HS3ST4: variants seen among roughly 807,000 people sequenced by gnomAD.
The protein encoded by HS3ST4 is heparan sulfate glucosamine 3-O-sulfotransferase 4.
In HS3ST4, 17 loss-of-function variants were observed where a neutral mutation model predicts 29.2. The ratio of observed to expected loss-of-function variants is 0.58; its 90% CI spans 0.40 to 0.87. The LOEUF (loss-of-function observed/expected upper bound fraction) is 0.87. HS3ST4 is among the 40% of genes least tolerant of loss of function. The probability of loss-of-function intolerance (pLI) is 0.00; values close to 1 mark genes in which losing one functional copy is unlikely to be tolerated. For missense variants in HS3ST4, 627 were observed against 634.5 expected (o/e 0.99, Z 0.13); for synonymous variants, 314 against 285.7 (o/e 1.10, Z -1.00).
intron 1 of HS3ST4, among the ~76,000 whole-genome samples, chr16:25,850,481 C>T (rs1468502765): frequency 6.6e-6 from 1 of 152,194 alleles, no homozygotes; most frequent in African/African-American, 2.4e-5. Flanking sequence ...TTCTTCCCCT[C>T]TATGTCTAAG....
chr16:26,100,341 A>G (rs969583581), intron 1 of HS3ST4, among the ~76,000 whole-genome samples: 1 of 152,182 alleles, frequency 6.6e-6, no homozygotes. Flanking sequence ...TACGAAGAAA[A>G]AGAAAGAAAA....
At chr16:26,127,862 A>G (rs2141814325) in intron 1 of HS3ST4, among the ~76,000 whole-genome samples, 1 of 152,254 alleles carries the variant, frequency 6.6e-6, no homozygotes, top group South Asian at 2.1e-4. Flanking sequence ...AAAACAACAA[A>G]TATTGCTTGA....
At chr16:25,724,163 A>C (rs191524146) in intron 1 of HS3ST4, among the ~76,000 whole-genome samples, 459 of 151,982 alleles carry the variant, frequency 3.0e-3, no homozygotes, top group Non-Finnish European at 3.7e-3. Context: ...TGTTTCCCCC[A>C]AAAAATATAA....
At chr16:25,956,674 TG>T (rs1372639124) in intron 1 of HS3ST4, among the ~76,000 whole-genome samples, 1 of 152,050 alleles carries the variant, frequency 6.6e-6, no homozygotes. Flanking sequence ...AATTCTCAGC[TG>T]GGGAAAAAGA....
intron 1 of HS3ST4, among the ~76,000 whole-genome samples, chr16:25,695,296 AG>A (rs1567221776): frequency 6.6e-6 from 1 of 152,168 alleles, no homozygotes; most frequent in Non-Finnish European, 1.5e-5. Context: ...CATCTAGTCC[AG>A]GGGTGCTGAT....
intron 1 of HS3ST4, chr16:26,025,415 C>T (rs759620855): frequency 6.5e-6 from 1 of 154,372 alleles, no homozygotes; most frequent in African/African-American, 2.4e-5. Flanking sequence ...TCAGAACACT[C>T]GTGCTCTTCT....
intron 1 of HS3ST4, among the ~76,000 whole-genome samples, chr16:26,096,122 A>C (rs1208477885): frequency 6.6e-6 from 1 of 152,194 alleles, no homozygotes; most frequent in African/African-American, 2.4e-5. Context: ...CAACCAAAAA[A>C]GTCCAGGACC....
chr16:26,091,950 G>T (rs1445476368), intron 1 of HS3ST4, among the ~76,000 whole-genome samples: 1 of 152,166 alleles, frequency 6.6e-6, no homozygotes, highest in Non-Finnish European at 1.5e-5. Flanking sequence ...CTTCCCTCCT[G>T]GGGCTTGACT....
rs117409496 is a variant in HS3ST4 at position 25,854,236 on chromosome 16, G to A, written c.734+161085G>A. ...ACTGAGCCTCCCGAGTAGCTGGGAC[G>A]ACAGGCACTTACCAACAAGCGTGGC... On this transcript the variant is annotated intron_variant, in intron 1 of 1. Transcript: ENST00000331351. Among the ~76,000 whole-genome samples, 1,024 of 152,150 alleles carry A rather than the reference G, an allele frequency of 6.7e-3. 28 individuals carry two copies. The highest frequency in any genetic ancestry group is 0.047 in the Admixed American group (719 of 15,276).
intron 1 of HS3ST4, among the ~76,000 whole-genome samples, chr16:26,007,234 C>T (rs1057437450): frequency 3.3e-5 from 5 of 152,200 alleles, no homozygotes; most frequent in Non-Finnish European, 7.3e-5. Context: ...CCTTGGTCTT[C>T]ACCCCTCATT....
chr16:25,958,316 G>A (rs967300868), intron 1 of HS3ST4, among the ~76,000 whole-genome samples: 1 of 152,146 alleles, frequency 6.6e-6, no homozygotes, highest in African/African-American at 2.4e-5. Flanking sequence ...TTAGAACAGA[G>A]TGAAGTTAGG....
intron 1 of HS3ST4, among the ~76,000 whole-genome samples, chr16:26,092,386 C>T (rs977127696): frequency 1.3e-5 from 2 of 152,136 alleles, no homozygotes; most frequent in African/African-American, 4.8e-5. Flanking sequence ...ACATGGTTCC[C>T]ACTGCTCCAT....
intron 1 of HS3ST4, among the ~76,000 whole-genome samples, chr16:25,827,603 T>C (rs1029739782): frequency 6.6e-6 from 1 of 150,860 alleles, no homozygotes; most frequent in Admixed American, 6.6e-5. Flanking sequence ...ACTGAAGTAA[T>C]CATTTGGACA....
intron 1 of HS3ST4, among the ~76,000 whole-genome samples, chr16:26,103,341 G>T (rs1207926374): frequency 2.6e-5 from 4 of 152,060 alleles, no homozygotes; most frequent in Non-Finnish European, 5.9e-5. Flanking sequence ...TGTCTGATGC[G>T]AACACAGGGC....
Position 25,994,892 on chromosome 16 carries a change from G to A in HS3ST4, c.735-140720G>A, listed in dbSNP as rs115841695. Among the ~76,000 whole-genome samples, 919 of 152,232 alleles carry A rather than the reference G, an allele frequency of 6.0e-3. 7 individuals are homozygous for A. Among genetic ancestry groups the A allele is most frequent in the African/African-American group, 0.021 (880 of 41,542 alleles). On this transcript the variant is annotated intron_variant, in intron 1 of 1. Coordinates refer to ENST00000331351, the MANE Select transcript of HS3ST4 (RefSeq NM_006040.3). ...ACTGTCTTTCTGCTCTTTTAACTCC[G>A]ATGGATTTTTCTTTTCACTTCAATA...
At chr16:25,910,594 G>A (rs1301079611) in intron 1 of HS3ST4, among the ~76,000 whole-genome samples, 1 of 151,738 alleles carries the variant, frequency 6.6e-6, no homozygotes, top group Admixed American at 6.6e-5. Flanking sequence ...AGTGAGCCGA[G>A]ATTGCCCTAT....
At chr16:25,715,238 C>T (rs552010417) in intron 1 of HS3ST4, among the ~76,000 whole-genome samples, 28 of 148,656 alleles carry the variant, frequency 1.9e-4, no homozygotes, top group East Asian at 1.2e-3. Flanking sequence ...AGGAGAATGG[C>T]GTGAACCCGG....
chr16:26,091,240 A>C (rs1219255685), intron 1 of HS3ST4, among the ~76,000 whole-genome samples: 2 of 152,166 alleles, frequency 1.3e-5, no homozygotes, highest in African/African-American at 4.8e-5. Context: ...CTTGCCTGTA[A>C]TGTTTACCAT....
intron 1 of HS3ST4, among the ~76,000 whole-genome samples, chr16:25,985,427 G>T (rs1033207804): frequency 1.3e-5 from 2 of 152,164 alleles, no homozygotes; most frequent in African/African-American, 4.8e-5. Context: ...ATATCCCAGA[G>T]ATGCAAAGCA....
Sources: allele counts gnomAD v4.1 joint callset (sites outside exome capture counted in the v4.1 genomes callset), GRCh38; gene constraint gnomAD v4.1.1; transcripts MANE v1.5; gene names NCBI Gene and HGNC (gene_info 2026-07-23, HGNC 2026-07-21).